Variants in SRBD1 observed in about 807,000 individuals in gnomAD.
The protein encoded by SRBD1 is S1 RNA binding domain 1.
A neutral mutation model predicts 115.3 loss-of-function variants in SRBD1; 88 were observed. The observed-to-expected ratio is 0.76, with a 90% CI of 0.64 to 0.91. SRBD1 has a LOEUF of 0.91. SRBD1 is among the 40% of genes least tolerant of loss of function. The probability of loss-of-function intolerance (pLI) is 0.00; values close to 1 mark genes in which losing one functional copy is unlikely to be tolerated. For missense variants in SRBD1, 1,385 were observed against 1,177.4 expected, an observed-to-expected ratio of 1.18 and a Z score of -2.58; for synonymous variants, 509 against 407.7, an observed-to-expected ratio of 1.25 and a Z score of -2.99.
At chr2:45,549,126 G>A (rs1308166145) in intron 12 of SRBD1, 3 of 152,138 alleles carry the variant, frequency 2.0e-5, no homozygotes. Context: ...ACTAGTAAAA[G>A]ATACCTTTAA....
chr2:45,589,555 C>G (rs1673649605), intron 4 of SRBD1, among the ~76,000 whole-genome samples: 1 of 152,188 alleles, frequency 6.6e-6, no homozygotes, highest in South Asian at 2.1e-4. Context: ...TACCCAACAG[C>G]TCAGTTATTG....
chr2:45,431,511 A>C (rs1430520878), intron 16 of SRBD1, among the ~76,000 whole-genome samples: 1 of 152,214 alleles, frequency 6.6e-6, no homozygotes, highest in Non-Finnish European at 1.5e-5. Context: ...CATTCTCAGC[A>C]AACTAACAAA....
chr2:45,456,052 T>C (rs1162794773), intron 16 of SRBD1, among the ~76,000 whole-genome samples: 3 of 151,780 alleles, frequency 2.0e-5, no homozygotes, highest in African/African-American at 7.2e-5. Flanking sequence ...CCTTACTAAA[T>C]AACCTCCTGG....
At chr2:45,427,634 T>A (rs1668197362) in intron 16 of SRBD1, among the ~76,000 whole-genome samples, 1 of 152,164 alleles carries the variant, frequency 6.6e-6, no homozygotes, top group Admixed American at 6.5e-5. Context: ...ATCATCCTGA[T>A]ACCAAAACCT....
chr2:45,391,759 A>T (rs1425343440), intron 20 of SRBD1, among the ~76,000 whole-genome samples: 1 of 152,174 alleles, frequency 6.6e-6, no homozygotes, highest in Non-Finnish European at 1.5e-5. Flanking sequence ...TTGAGTGTTG[A>T]TCTTTGCTCT....
chr2:45,591,037 C>T (rs1673706506), intron 4 of SRBD1, among the ~76,000 whole-genome samples: 3 of 151,930 alleles, frequency 2.0e-5, no homozygotes, highest in Non-Finnish European at 2.9e-5. Flanking sequence ...ACCCTCTTTC[C>T]TTTATAAATT....
chr2:45,474,825 T>A (rs1669757866), intron 16 of SRBD1, among the ~76,000 whole-genome samples: 1 of 152,190 alleles, frequency 6.6e-6, no homozygotes, highest in Non-Finnish European at 1.5e-5. Context: ...TGTTTTCCCA[T>A]GCTGTTATCA....
chr2:45,587,643 T>C (rs1254945952), intron 4 of SRBD1, among the ~76,000 whole-genome samples: 1 of 152,150 alleles, frequency 6.6e-6, no homozygotes, highest in Non-Finnish European at 1.5e-5. Flanking sequence ...ATGAAATAAA[T>C]GGCTAAACTC....
At chr2:45,414,226 G>C (rs1478463176) in intron 18 of SRBD1, among the ~76,000 whole-genome samples, 8 of 152,060 alleles carry the variant, frequency 5.3e-5, no homozygotes, top group Non-Finnish European at 1.0e-4. Flanking sequence ...ATCATTTGCA[G>C]GTATGTAAGG....
intron 14 of SRBD1, among the ~76,000 whole-genome samples, chr2:45,495,944 A>C (rs1258314669): frequency 1.3e-5 from 2 of 152,200 alleles, no homozygotes; most frequent in African/African-American, 2.4e-5. Context: ...AAAGCACCCA[A>C]AAGTTGCTTC....
intron 14 of SRBD1, among the ~76,000 whole-genome samples, chr2:45,538,039 G>A (rs1671819442): frequency 6.6e-6 from 1 of 152,156 alleles, no homozygotes; most frequent in Non-Finnish European, 1.5e-5. Context: ...GTGTATGGTA[G>A]GCTTTCAACA....
intron 4 of SRBD1, among the ~76,000 whole-genome samples, chr2:45,597,503 T>C (rs1673940376): frequency 1.3e-5 from 2 of 151,736 alleles, no homozygotes; most frequent in African/African-American, 4.8e-5. Flanking sequence ...GCAAATAAAC[T>C]AGGGAGCTGT....
intron 15 of SRBD1, among the ~76,000 whole-genome samples, chr2:45,481,396 G>C (rs1669959337): frequency 6.6e-6 from 1 of 152,060 alleles, no homozygotes; most frequent in Admixed American, 6.6e-5. Context: ...GGTAGCTCAG[G>C]AAAAGGGAGT....
At chr2:45,435,693 G>C (rs572084233) in intron 16 of SRBD1, among the ~76,000 whole-genome samples, 1 of 151,912 alleles carries the variant, frequency 6.6e-6, no homozygotes, top group African/African-American at 2.4e-5. Context: ...TGAACACCCC[G>C]GATACTCTGC....
rs1371029251 is a variant in SRBD1 at position 45,579,919 on chromosome 2, G to A, written c.1028C>T (p.Pro343Leu). 1 of 1,609,782 alleles carries A rather than the reference G, an allele frequency of 6.2e-7. No homozygotes were observed. Among genetic ancestry groups the A allele is most frequent in the Non-Finnish European group, 8.5e-7 (1 of 1,178,164 alleles). ...EGAARALLEK[P>L]GELSLLSYIR... ...GTACGATAGCAGACTGAGCTCCCCT[G>A]GTTTCTCAAGCAGTGCCCTGGCTGC... The change falls in exon 7 of 21, where the codon CCA (proline) becomes CTA (leucine). Residue 343 changes from proline (P) to leucine (L), a missense_variant. Transcript: ENST00000263736.
chr2:45,568,510 T>G lies in SRBD1; in HGVS notation c.1305+4697A>C, dbSNP rs915702755. Reference sequence around the variant, plus strand: ...TGTACATGATAAACTAAAAAGTTCGTAAAACAGCAGTGCTGTTTTTCAAAA... The same window carrying G: ...TGTACATGATAAACTAAAAAGTTCGGAAAACAGCAGTGCTGTTTTTCAAAA... On this transcript the variant is annotated intron_variant, in intron 9 of 20. Transcript: ENST00000263736. 3.9e-5 allele frequency among the ~76,000 whole-genome samples: 6 copies of G among 152,308 alleles called. No homozygotes were observed. The Middle Eastern group carries it at 0.01, about 259-fold the overall frequency.
At chr2:45,419,993 C>G in intron 16 of SRBD1, 99 bp from the exon 17 acceptor site, 1 of 1,068,128 alleles carries the variant, frequency 9.4e-7, no homozygotes, top group Non-Finnish European at 1.4e-6. Context: ...TAACACACAC[C>G]ATGGTAAATT....
chr2:45,417,072 T>G (rs749009284), intron 18 of SRBD1, among the ~76,000 whole-genome samples: 4 of 152,226 alleles, frequency 2.6e-5, no homozygotes, highest in African/African-American at 7.2e-5. Flanking sequence ...TCAAAGAACA[T>G]ATAAACTAAC....
At chr2:45,447,714 C>T (rs1317495872) in intron 16 of SRBD1, 1 of 152,152 alleles carries the variant, frequency 6.6e-6, no homozygotes, top group African/African-American at 2.4e-5. Flanking sequence ...AATTATTTAA[C>T]AGACAGCTTT....
Sources: gnomAD v4.1 joint callset for allele counts (sites outside exome capture counted in the v4.1 genomes callset) on GRCh38, gnomAD v4.1.1 for gene constraint, MANE v1.5 for transcripts, NCBI Gene and HGNC (gene_info 2026-07-23, HGNC 2026-07-21) for gene names.